Variants in NKAIN2 observed in about 807,000 individuals in gnomAD.
The protein encoded by NKAIN2 is sodium/potassium transporting ATPase interacting 2, also known as sodium/potassium-transporting ATPase subunit beta-1-interacting protein 2.
Under a neutral mutation model 32.6 loss-of-function variants are expected in NKAIN2, and 14 were observed. The observed-to-expected ratio is 0.43, with a 90% confidence interval of 0.28 to 0.67. The LOEUF is 0.67. Among genes scored for constraint, NKAIN2 ranks in the 30% least tolerant of loss-of-function variants. NKAIN2 has a pLI of 0.17. For synonymous variants in NKAIN2, 80 were observed against 87.2 expected (o/e 0.92, Z 0.46); for missense variants, 198 against 258.3 (o/e 0.77, Z 1.60).
chr6:124,416,493 G>A (rs1471436803), intron 3 of NKAIN2, among the ~76,000 whole-genome samples: 1 of 152,050 alleles, frequency 6.6e-6, no homozygotes, highest in Non-Finnish European at 1.5e-5. Context: ...ATAAAAATTA[G>A]CCAAGCGTGA....
chr6:124,072,686 C>T (rs1783517760), intron 1 of NKAIN2, among the ~76,000 whole-genome samples: 2 of 152,208 alleles, frequency 1.3e-5, no homozygotes, highest in South Asian at 4.2e-4. Flanking sequence ...CAGACTCACT[C>T]TATAAAAATG....
chr6:124,018,538 A>G (rs1367282685), intron 1 of NKAIN2, among the ~76,000 whole-genome samples: 4 of 152,068 alleles, frequency 2.6e-5, no homozygotes, highest in African/African-American at 7.2e-5. Flanking sequence ...CAGATACTCT[A>G]AATCATCTAT....
chr6:124,409,313 T>C lies in NKAIN2; in HGVS notation c.273+53966T>C, dbSNP rs577639785. Among the ~76,000 whole-genome samples the C allele has an allele frequency of 1.4e-3, 211 of 152,264 alleles. 1 individual carries two copies. Among genetic ancestry groups the C allele is most frequent in the African/African-American group, 4.8e-3 (198 of 41,550 alleles). On this transcript the variant is annotated intron_variant, in intron 3 of 6. Transcript: ENST00000368417. ...GCTTCCAGTTTTTGCCCATTCAGTA[T>C]GATATTGGCTGTGGGTTTGTCATAG...
chr6:124,619,236 C>A (rs1783021740), intron 3 of NKAIN2, among the ~76,000 whole-genome samples: 2 of 152,070 alleles, frequency 1.3e-5, no homozygotes, highest in Non-Finnish European at 2.9e-5. Flanking sequence ...TGCAAAGATG[C>A]TCAGCCTATG....
intron 1 of NKAIN2, among the ~76,000 whole-genome samples, chr6:124,191,797 C>T (rs1582821333): frequency 6.6e-6 from 1 of 152,084 alleles, no homozygotes; most frequent in South Asian, 2.1e-4. Flanking sequence ...TTTTTTCATG[C>T]ATGGTTTTGA....
chr6:123,895,174 G>A (rs949932223), intron 1 of NKAIN2, among the ~76,000 whole-genome samples: 4 of 148,526 alleles, frequency 2.7e-5, no homozygotes, highest in African/African-American at 9.9e-5. Context: ...CTTTCTTTCT[G>A]TCTCTCTCTG....
intron 1 of NKAIN2, among the ~76,000 whole-genome samples, chr6:124,034,945 C>T (rs113701471): frequency 2.0e-4 from 31 of 151,696 alleles, no homozygotes; most frequent in Middle Eastern, 3.4e-3. Flanking sequence ...TTTTTCTAAC[C>T]ACTTGTTTAG....
At chr6:124,622,968 C>T (rs1783165629) in intron 3 of NKAIN2, among the ~76,000 whole-genome samples, 1 of 152,074 alleles carries the variant, frequency 6.6e-6, no homozygotes, top group African/African-American at 2.4e-5. Flanking sequence ...AACAGGAATG[C>T]CTGTACTCAT....
chr6:123,850,355 A>AT lies in NKAIN2; in HGVS notation c.54+46101_54+46102insT, dbSNP rs1554214465. Among the ~76,000 whole-genome samples the AT allele has an allele frequency of 5.8e-3, 778 of 133,466 alleles. 7 individuals carry two copies. The highest frequency in any genetic ancestry group is 0.021 in the East Asian group (98 of 4,624). The allele number at this position is 133,466 out of a possible 152,430, so 87.6% of individuals were successfully genotyped here. ...TTGCAAGCTGCTGAAAAAAAAAAAA[A>AT]ATATATATATATATATACACACACA... On this transcript the variant is annotated intron_variant, in intron 1 of 6. Transcript: ENST00000368417.
At chr6:123,825,281 C>T (rs1207640278) in intron 1 of NKAIN2, among the ~76,000 whole-genome samples, 1 of 152,126 alleles carries the variant, frequency 6.6e-6, no homozygotes, top group East Asian at 1.9e-4. Context: ...TTTCAGACCA[C>T]AGCACAGTCA....
At chr6:124,460,345 CAT>C (rs1490922579) in intron 3 of NKAIN2, among the ~76,000 whole-genome samples, 4 of 151,756 alleles carry the variant, frequency 2.6e-5, no homozygotes, top group Non-Finnish European at 5.9e-5. Context: ...ACAACTGCTG[CAT>C]ATGTTTTAGC....
At chr6:124,419,207 C>A (rs1020584332) in intron 3 of NKAIN2, among the ~76,000 whole-genome samples, 1 of 152,034 alleles carries the variant, frequency 6.6e-6, no homozygotes, top group Non-Finnish European at 1.5e-5. Flanking sequence ...CTTCTCTAGT[C>A]TTGTTTCTCT....
chr6:124,696,405 C>T (rs1413473705), intron 4 of NKAIN2, among the ~76,000 whole-genome samples: 1 of 152,022 alleles, frequency 6.6e-6, no homozygotes, highest in African/African-American at 2.4e-5. Flanking sequence ...TTCCGAGCCC[C>T]AAAAGGGCCA....
At chr6:124,513,709 T>A (rs1322177625) in intron 3 of NKAIN2, among the ~76,000 whole-genome samples, 1 of 152,140 alleles carries the variant, frequency 6.6e-6, no homozygotes, top group Admixed American at 6.6e-5. Context: ...AGTAACAGAA[T>A]CACCAAAAGT....
At chr6:124,212,556 C>G (rs1477570014) in intron 1 of NKAIN2, among the ~76,000 whole-genome samples, 2 of 152,040 alleles carry the variant, frequency 1.3e-5, no homozygotes, top group Admixed American at 6.6e-5. Context: ...ATCAATGAAA[C>G]AAGGACAGGA....
intron 4 of NKAIN2, among the ~76,000 whole-genome samples, chr6:124,741,598 T>G (rs1361434967): frequency 6.6e-6 from 1 of 151,794 alleles, no homozygotes; most frequent in Non-Finnish European, 1.5e-5. Context: ...CAGGTAAGAA[T>G]AGAAAATGAG....
At chr6:123,849,949 GTTT>G (rs777466801) in intron 1 of NKAIN2, among the ~76,000 whole-genome samples, 3 of 38,690 alleles carry the variant, frequency 7.8e-5, no homozygotes, top group African/African-American at 1.2e-4. Flanking sequence ...ACTCAGGCTG[GTTT>G]TTTTTTTTTG....
chr6:124,285,776 C>G (rs1296899082), intron 2 of NKAIN2, among the ~76,000 whole-genome samples: 2 of 152,138 alleles, frequency 1.3e-5, no homozygotes, highest in Non-Finnish European at 2.9e-5. Context: ...CTCCAATAGC[C>G]TACTATTGGT....
intron 4 of NKAIN2, among the ~76,000 whole-genome samples, chr6:124,790,866 C>T (rs1779716561): frequency 6.6e-6 from 1 of 152,088 alleles, no homozygotes; most frequent in Non-Finnish European, 1.5e-5. Flanking sequence ...TGTTACAGAT[C>T]TGCATTTTCC....
Sources: allele counts gnomAD v4.1 joint callset (sites outside exome capture counted in the v4.1 genomes callset), GRCh38; gene constraint gnomAD v4.1.1; transcripts MANE v1.5; gene names NCBI Gene and HGNC (gene_info 2026-07-23, HGNC 2026-07-21).